Variants in KATNIP observed in about 807,000 individuals in gnomAD.
The protein encoded by KATNIP is katanin-interacting protein.
A neutral mutation model predicts 174.0 loss-of-function variants in KATNIP; 126 were observed. The ratio of observed to expected loss-of-function variants is 0.72; its 90% CI spans 0.63 to 0.84. The LOEUF is 0.84. KATNIP is among the 40% of genes least tolerant of loss of function. The pLI is 0.00. For synonymous variants in KATNIP, 810 were observed against 835.7 expected, an observed-to-expected ratio of 0.97 and a Z score of 0.53; for missense variants, 1,958 against 2,109.7, an observed-to-expected ratio of 0.93 and a Z score of 1.41.
At chr16:27,631,211 T>C (rs374260072) in intron 5 of KATNIP, 49 bp downstream of exon 5, 3 of 1,377,098 alleles carry the variant, frequency 2.2e-6, no homozygotes, top group Admixed American at 4.0e-5. Flanking sequence ...AGAGTGTGGG[T>C]GGCTGTGGGA....
chr16:27,713,410 G>A (rs1247964416), intron 13 of KATNIP, among the ~76,000 whole-genome samples: 1 of 151,836 alleles, frequency 6.6e-6, no homozygotes, highest in Admixed American at 6.6e-5. Context: ...ATATCCACAT[G>A]TCAAAGGCAG....
At chr16:27,602,709 T>C (rs1014915568) in intron 2 of KATNIP, among the ~76,000 whole-genome samples, 3 of 151,942 alleles carry the variant, frequency 2.0e-5, no homozygotes, top group African/African-American at 7.3e-5. Context: ...TTCTTCTTCT[T>C]TTTTTTTGAA....
At chr16:27,727,017 T>A (rs2080477309) in intron 14 of KATNIP, among the ~76,000 whole-genome samples, 1 of 152,178 alleles carries the variant, frequency 6.6e-6, no homozygotes, top group Admixed American at 6.5e-5. Flanking sequence ...GCAGGTTACA[T>A]CACATCTGTA....
Position 27,637,328 on chromosome 16 carries a change from A to G in KATNIP, c.408+6166A>G, listed in dbSNP as rs2076666520. ...ACATACTCAGTTTTGGCACTTACAG[A>G]TGCCGGGTTCCAAGCAATAAGTGAG... On this transcript the variant is annotated intron_variant, in intron 5 of 27. Coordinates refer to ENST00000261588, the MANE Select transcript of KATNIP (RefSeq NM_015202.5). This position sits in a 1 kb window ranked among gnomAD's most constrained non-coding sequence, Gnocchi z 4.7. Among the ~76,000 whole-genome samples, 1 of 152,104 alleles carries G rather than the reference A, an allele frequency of 6.6e-6. No homozygotes were observed. Among genetic ancestry groups the G allele is most frequent in the African/African-American group, 2.4e-5 (1 of 41,412 alleles).
chr16:27,708,913 A>C lies in KATNIP; in HGVS notation c.1598A>C (p.Asn533Thr). 4 of 1,611,976 alleles carry C rather than the reference A, an allele frequency of 2.5e-6. No homozygotes were observed. The highest frequency in any genetic ancestry group is 3.4e-6 in the Non-Finnish European group (4 of 1,179,174). ...PGELGRLVNR[N>T]LAGKKDSSPW... is the part of the protein sequence containing the mutation. ...GAGCTGGGCCGCCTCGTCAACAGGA[A>C]CTTAGCTGTGAGTGGAAGGGGCACT... The change falls in exon 13 of 28, where the codon AAC (asparagine) becomes ACC (threonine). Residue 533 changes from asparagine (N) to threonine (T), a missense_variant. Asn to Thr is a moderately conservative substitution (Grantham distance 65). Around this residue, in one of 3 missense-constraint regions of KATNIP, gnomAD observed 1,557 missense variants for 1,617.8 expected, o/e 0.96. Transcript: ENST00000261588.
intron 22 of KATNIP, among the ~76,000 whole-genome samples, chr16:27,772,707 C>T (rs767944387): frequency 5.9e-5 from 9 of 152,180 alleles, no homozygotes; most frequent in Non-Finnish European, 1.2e-4. Flanking sequence ...GCATTTTGTT[C>T]AATACCATAC....
chr16:27,708,976 C>T, intron 13 of KATNIP, 56 bp downstream of exon 13: 1 of 1,400,134 alleles, frequency 7.1e-7, no homozygotes, highest in Non-Finnish European at 1.0e-6. Flanking sequence ...TGCATTTTCT[C>T]TGCCCTTGGT....
intron 15 of KATNIP, among the ~76,000 whole-genome samples, chr16:27,742,220 A>C (rs1435501435): frequency 6.6e-6 from 1 of 152,148 alleles, no homozygotes; most frequent in African/African-American, 2.4e-5. Context: ...GCTAGGAGTC[A>C]AACCATTGAA....
At position 27,721,558 on chromosome 16, in the gene KATNIP, G is replaced by A; in HGVS notation, c.1606G>A (p.Gly536Ser). Reference sequence around the variant, plus strand: ...TTTCCTTCTCTTGCTGGCCTTCTAGGGCAAGAAAGACTCCTCCCCGTGGAC... The same window carrying A: ...TTTCCTTCTCTTGCTGGCCTTCTAGAGCAAGAAAGACTCCTCCCCGTGGAC... ...LGRLVNRNLAGKKDSSPWTCP... is the reference protein window; with the variant it reads ...LGRLVNRNLASKKDSSPWTCP... Residue 536 changes from glycine to serine, a missense_variant and splice_region_variant, in exon 14 of 28, where the codon GGC becomes AGC. Gly to Ser is a moderately conservative substitution (Grantham distance 56). Coordinates refer to ENST00000261588, the MANE Select transcript of KATNIP (RefSeq NM_015202.5). 6.2e-7 allele frequency: 1 copy of A among 1,614,080 alleles called. No individual in the cohort carries two copies. The highest frequency in any genetic ancestry group is 2.2e-5 in the East Asian group (1 of 44,870).
At chr16:27,646,457 G>A (rs1414003852) in intron 5 of KATNIP, among the ~76,000 whole-genome samples, 1 of 152,210 alleles carries the variant, frequency 6.6e-6, no homozygotes, top group Non-Finnish European at 1.5e-5. Context: ...GATTGGCCAG[G>A]CCTGCCTCAA....
intron 6 of KATNIP, among the ~76,000 whole-genome samples, chr16:27,675,985 C>T (rs993266857): frequency 6.6e-6 from 1 of 152,154 alleles, no homozygotes; most frequent in South Asian, 2.1e-4. Context: ...TCCAGCCACA[C>T]CTTTAGTTTT....
chr16:27,597,257 C>G (rs2075363464), intron 2 of KATNIP, among the ~76,000 whole-genome samples: 1 of 152,016 alleles, frequency 6.6e-6, no homozygotes, highest in Non-Finnish European at 1.5e-5. Flanking sequence ...TTGCTAATCC[C>G]ACCCCTCCCT....
chr16:27,641,875 A>G (rs1241776544), intron 5 of KATNIP, among the ~76,000 whole-genome samples: 1 of 152,158 alleles, frequency 6.6e-6, no homozygotes, highest in Non-Finnish European at 1.5e-5. Context: ...CTAGAAACCC[A>G]TGGGGAGGCC....
intron 8 of KATNIP, among the ~76,000 whole-genome samples, chr16:27,686,004 AGT>A (rs1369568602): frequency 2.0e-5 from 3 of 152,236 alleles, no homozygotes; most frequent in Non-Finnish European, 4.4e-5. Flanking sequence ...TCTCTCCTCC[AGT>A]GTGGGAAAAA....
chr16:27,749,605 C>T lies in KATNIP; in HGVS notation c.2645C>T (p.Thr882Met), dbSNP rs374377232. 3.0e-5 allele frequency: 46 copies of T among 1,532,694 alleles called. No homozygotes were observed. The highest frequency in any genetic ancestry group is 1.8e-4 in the African/African-American group (13 of 72,168). 94.9% of individuals were successfully genotyped at this position (1,532,694 alleles called of 1,614,324 possible). ...ASREDTWSSR[T>M]PSRSRWRSEQ... ...CCAGAAGACACCTGGTCTTCCAGGA[C>T]GCCGTCACGGTCAAGGTGGCGCAGT... Residue 882 changes from threonine (T) to methionine (M), a missense_variant, in exon 16 of 28, where the codon ACG becomes ATG. Physicochemically the swap from Thr to Met is moderately conservative, Grantham distance 81. Around this residue, in one of 3 missense-constraint regions of KATNIP, gnomAD observed 1,557 missense variants for 1,617.8 expected, o/e 0.96. Transcript: ENST00000261588.
At chr16:27,563,197 C>T (rs573599185) in intron 1 of KATNIP, among the ~76,000 whole-genome samples, 3 of 152,156 alleles carry the variant, frequency 2.0e-5, no homozygotes, top group East Asian at 1.9e-4. Context: ...AAGGTTAAGA[C>T]GGAGGACTGA....
chr16:27,601,236 C>T (rs148169118), intron 2 of KATNIP, among the ~76,000 whole-genome samples: 3 of 152,142 alleles, frequency 2.0e-5, no homozygotes, highest in Non-Finnish European at 4.4e-5. Flanking sequence ...TGAGCAAGCT[C>T]GCATTGTCCC....
chr16:27,671,617 G>T (rs2077907091), intron 6 of KATNIP, among the ~76,000 whole-genome samples: 2 of 152,272 alleles, frequency 1.3e-5, no homozygotes, highest in Admixed American at 1.3e-4. Context: ...CTCCAAAATA[G>T]ATCTCGAGGC....
intron 6 of KATNIP, among the ~76,000 whole-genome samples, chr16:27,676,519 C>T (rs78353469): frequency 0.022 from 3,336 of 152,208 alleles, 139 homozygotes; most frequent in African/African-American, 0.077. Flanking sequence ...CCTTATTCAG[C>T]CTACTGCAAT....
Sources: allele counts gnomAD v4.1 joint callset (sites outside exome capture counted in the v4.1 genomes callset), GRCh38; gene constraint gnomAD v4.1.1; regional missense constraint gnomAD v4.1.1; non-coding constraint Gnocchi (gnomAD v3.1); transcripts MANE v1.5; gene names NCBI Gene and HGNC (gene_info 2026-07-23, HGNC 2026-07-21).